The following DLG2 variants were observed in gnomAD, a reference collection of about 807,000 sequenced individuals.
DLG2 encodes the protein discs large MAGUK scaffold protein 2, also known as disks large homolog 2.
A neutral mutation model predicts 132.5 loss-of-function variants in DLG2; 45 were observed. The observed-to-expected ratio is 0.34, with a 90% confidence interval of 0.27 to 0.44. The LOEUF (loss-of-function observed/expected upper bound fraction) is 0.44, where lower values mean the gene tolerates loss of function less well. DLG2 is among the 20% of genes least tolerant of loss of function. The probability of loss-of-function intolerance (pLI) is 1.00; values close to 1 mark genes in which losing one functional copy is unlikely to be tolerated. For missense variants in DLG2, 1,045 were observed against 1,196.9 expected, an observed-to-expected ratio of 0.87 and a Z score of 1.87; for synonymous variants, 424 against 419.6, an observed-to-expected ratio of 1.01 and a Z score of -0.13.
intron 7 of DLG2, among the ~76,000 whole-genome samples, chr11:84,370,153 A>G (rs1181402096): frequency 6.6e-6 from 1 of 152,186 alleles, no homozygotes; most frequent in Admixed American, 6.5e-5. Flanking sequence ...TATGCATATT[A>G]CAACTGTTTG....
chr11:84,560,788 C>T (rs1046656012), intron 6 of DLG2, among the ~76,000 whole-genome samples: 1 of 151,948 alleles, frequency 6.6e-6, no homozygotes, highest in Non-Finnish European at 1.5e-5. Flanking sequence ...GGTATTACTT[C>T]AAGAGGTCTG....
At chr11:84,613,050 A>G (rs1647650608) in intron 6 of DLG2, among the ~76,000 whole-genome samples, 1 of 151,998 alleles carries the variant, frequency 6.6e-6, no homozygotes, top group South Asian at 2.1e-4. Flanking sequence ...CTGTTGAACA[A>G]CTCTGTCCTG....
At chr11:84,414,438 G>T (rs1333465132) in intron 7 of DLG2, among the ~76,000 whole-genome samples, 1 of 152,040 alleles carries the variant, frequency 6.6e-6, no homozygotes, top group East Asian at 1.9e-4. Flanking sequence ...CTATTTTTGT[G>T]CTGTAGGGAT....
rs532450775 is a variant in DLG2, at chr11:83,480,093, C to T, written c.2293+4036G>A. On this transcript the variant is annotated intron_variant, in intron 22 of 27. Coordinates refer to ENST00000376104, the MANE Select transcript of DLG2 (RefSeq NM_001142699.3). Reference sequence around the variant, plus strand: ...CCACCACGTTGAACTTTTTACACACCTTCTCTGTGAGAATTGAATCACTGA... The same window carrying T: ...CCACCACGTTGAACTTTTTACACACTTTCTCTGTGAGAATTGAATCACTGA... Among the ~76,000 whole-genome samples the T allele has an allele frequency of 7.9e-5, 12 of 151,952 alleles. No homozygotes were observed. The South Asian group carries it at 2.5e-3, about 32-fold the overall frequency.
rs367805491 is a variant in DLG2 at position 84,404,759 on chromosome 11, A to G, written c.519+129811T>C. Among the ~76,000 whole-genome samples, 6 of 152,244 alleles carry G rather than the reference A, an allele frequency of 3.9e-5. No individual in the cohort carries two copies. In the East Asian group the frequency reaches 9.6e-4, roughly 24 times the overall value. ...GCAAAGGAAATATGTGTTGAACAACAGAAAAATGAAGGAAGGAAAGAATGT... is the reference window on the plus strand; with the variant it reads ...GCAAAGGAAATATGTGTTGAACAACGGAAAAATGAAGGAAGGAAAGAATGT... On this transcript the variant is annotated intron_variant, in intron 7 of 27. Coordinates refer to ENST00000376104, the MANE Select transcript of DLG2 (RefSeq NM_001142699.3).
At chr11:83,873,399 G>A (rs967327427) in intron 16 of DLG2, among the ~76,000 whole-genome samples, 4 of 152,190 alleles carry the variant, frequency 2.6e-5, no homozygotes, top group Non-Finnish European at 4.4e-5. Context: ...CTGAATCATG[G>A]GGCAGCTTCT....
At chr11:84,369,287 G>A (rs954379035) in intron 7 of DLG2, among the ~76,000 whole-genome samples, 3 of 151,940 alleles carry the variant, frequency 2.0e-5, no homozygotes, top group Non-Finnish European at 2.9e-5. Flanking sequence ...TTATGCTTTG[G>A]AACTCATTTT....
At chr11:84,512,033 G>C (rs1324792960) in intron 7 of DLG2, among the ~76,000 whole-genome samples, 1 of 152,116 alleles carries the variant, frequency 6.6e-6, no homozygotes, top group African/African-American at 2.4e-5. Flanking sequence ...ACTTAGTTTT[G>C]AATTCCTCAA....
intron 18 of DLG2, chr11:83,651,712 T>C: frequency 8.8e-6 from 3 of 339,374 alleles, no homozygotes; most frequent in South Asian, 7.7e-5. Flanking sequence ...AGAAAGAGAA[T>C]GCCCTCGGAA....
intron 7 of DLG2, among the ~76,000 whole-genome samples, chr11:84,523,740 G>C (rs868170588): frequency 2.6e-5 from 4 of 152,166 alleles, no homozygotes; most frequent in South Asian, 2.1e-4. Context: ...TTTGGCAATA[G>C]TGAAATCTTA....
chr11:84,028,802 C>A (rs1283553730), intron 11 of DLG2, among the ~76,000 whole-genome samples: 1 of 152,108 alleles, frequency 6.6e-6, no homozygotes, highest in Non-Finnish European at 1.5e-5. Context: ...GCAATAACCT[C>A]TCCTTCTTTT....
intron 3 of DLG2, among the ~76,000 whole-genome samples, chr11:85,535,857 T>G (rs1313432157): frequency 1.3e-5 from 2 of 152,198 alleles, no homozygotes; most frequent in Non-Finnish European, 2.9e-5. Flanking sequence ...CTTGAAAACA[T>G]TATGTTGGTG....
chr11:84,343,987 C>T (rs1172735134), intron 7 of DLG2, among the ~76,000 whole-genome samples: 2 of 152,010 alleles, frequency 1.3e-5, no homozygotes, highest in African/African-American at 4.8e-5. Flanking sequence ...AAAATGATGC[C>T]ACCTGTTGAG....
chr11:85,372,149 A>C (rs932613954), intron 3 of DLG2, among the ~76,000 whole-genome samples: 1 of 152,232 alleles, frequency 6.6e-6, no homozygotes, highest in Non-Finnish European at 1.5e-5. Flanking sequence ...TGGGTAATAT[A>C]AAAATCTGGA....
rs539029124 is a variant in DLG2, at chr11:85,324,914, C to T, written c.41-39549G>A. On this transcript the variant is annotated intron_variant, in intron 3 of 27. Coordinates refer to ENST00000376104, the MANE Select transcript of DLG2 (RefSeq NM_001142699.3). ...CAGTGGGCGCAGGCCAGTGTGTGTG[C>T]GCACCGTGCGCGAGCCGAAGCAGGG... Among the ~76,000 whole-genome samples, 754 of 147,186 alleles carry T rather than the reference C, an allele frequency of 5.1e-3. 4 individuals carry two copies. The highest frequency in any genetic ancestry group is 0.017 in the African/African-American group (693 of 39,620).
At chr11:83,550,740 C>T (rs530277888) in intron 19 of DLG2, among the ~76,000 whole-genome samples, 8 of 152,266 alleles carry the variant, frequency 5.3e-5, no homozygotes, top group African/African-American at 1.7e-4. Flanking sequence ...ATGACACTTT[C>T]AAGAGCTCTT....
intron 7 of DLG2, among the ~76,000 whole-genome samples, chr11:84,495,641 C>T (rs936019350): frequency 2.6e-5 from 4 of 152,188 alleles, no homozygotes; most frequent in East Asian, 3.9e-4. Flanking sequence ...CTCTGGTTGC[C>T]CTCAAACTGT....
At chr11:84,208,825 T>C (rs2096712660) in intron 8 of DLG2, among the ~76,000 whole-genome samples, 1 of 152,178 alleles carries the variant, frequency 6.6e-6, no homozygotes, top group Admixed American at 6.5e-5. Context: ...TTTACATGTA[T>C]ACTGGTATTA....
intron 6 of DLG2, among the ~76,000 whole-genome samples, chr11:84,733,675 C>T (rs549265947): frequency 6.6e-6 from 1 of 152,198 alleles, no homozygotes; most frequent in South Asian, 2.1e-4. Flanking sequence ...GCTTTTGTTG[C>T]CATTGTTTTT....
Sources: gnomAD v4.1 joint callset for allele counts (sites outside exome capture counted in the v4.1 genomes callset) on GRCh38, gnomAD v4.1.1 for gene constraint, MANE v1.5 for transcripts, NCBI Gene and HGNC (gene_info 2026-07-23, HGNC 2026-07-21) for gene names.